Variants in FYB1 observed in about 807,000 individuals in gnomAD.
FYB1 encodes the protein FYN binding protein 1.
Under a neutral mutation model 94.1 loss-of-function variants are expected in FYB1, and 41 were observed. The ratio of observed to expected loss-of-function variants is 0.44; its 90% CI spans 0.34 to 0.57. The LOEUF (loss-of-function observed/expected upper bound fraction) is 0.57. Among genes scored for constraint, FYB1 ranks in the 20% least tolerant of loss-of-function variants. The pLI is 0.02. For synonymous variants in FYB1, 367 were observed against 353.2 expected (o/e 1.04, Z -0.44); for missense variants, 1,050 against 976.8 (o/e 1.07, Z -1.00).
At chr5:39,265,441 G>T (rs535078725) in intron 1 of FYB1, among the ~76,000 whole-genome samples, 2 of 150,602 alleles carry the variant, frequency 1.3e-5, no homozygotes, top group Non-Finnish European at 2.9e-5. Context: ...CTGAGTTCAC[G>T]CCACTGCACT....
intron 16 of FYB1, among the ~76,000 whole-genome samples, chr5:39,112,657 A>G (rs1247317458): frequency 6.6e-6 from 1 of 152,086 alleles, no homozygotes; most frequent in African/African-American, 2.4e-5. Context: ...ATAAAACACT[A>G]AACGAAAAGA....
chr5:39,232,141 A>G (rs1750770838), intron 1 of FYB1, among the ~76,000 whole-genome samples: 1 of 152,108 alleles, frequency 6.6e-6, no homozygotes, highest in African/African-American at 2.4e-5. Context: ...AGACAGAAAG[A>G]TACCTGTTTC....
rs75710164 is a variant in FYB1 at position 39,126,102 on chromosome 5, C to T, written c.1941G>A (p.Thr647=). The change falls in exon 12 of 19, where the codon ACG becomes ACA. Residue 647 remains threonine, a synonymous_variant. Coordinates refer to ENST00000512982, the MANE Select transcript of FYB1 (RefSeq NM_001465.6). ...STLQVQEKSN[T]WSWGILKMLK... is the part of the protein sequence containing the mutation. ...ACATCTTCAAAATCCCCCAGGACCA[C>T]GTATTACTCTTCTCTTGAACCTGTA... 4.7e-4 allele frequency: 755 copies of T among 1,613,506 alleles called. 4 individuals carry two copies. In the African/African-American group the frequency reaches 8.0e-3, roughly 17 times the overall value.
intron 16 of FYB1, chr5:39,110,717 C>A: frequency 3.4e-6 from 1 of 297,556 alleles, no homozygotes. Context: ...CCCCCATGAT[C>A]CAGTTTTAGG....
At chr5:39,137,894 A>G (rs772945037) in intron 6 of FYB1, 174 bp from the exon 7 acceptor site, 140 of 753,560 alleles carry the variant, frequency 1.9e-4, no homozygotes, top group Admixed American at 2.9e-4. Context: ...TAAAACCAGT[A>G]GGAGGCACAC....
chr5:39,192,278 T>C (rs1747435211), intron 2 of FYB1, among the ~76,000 whole-genome samples: 1 of 152,210 alleles, frequency 6.6e-6, no homozygotes, highest in African/African-American at 2.4e-5. Flanking sequence ...AAATTTCTTT[T>C]CGCTCTCCTT....
At chr5:39,189,897 CA>C (rs1308702933) in intron 2 of FYB1, among the ~76,000 whole-genome samples, 2 of 152,188 alleles carry the variant, frequency 1.3e-5, no homozygotes, top group Non-Finnish European at 2.9e-5. Flanking sequence ...AGCACAGGGT[CA>C]GGGGGGCAAT....
intron 2 of FYB1, chr5:39,169,140 C>A: frequency 1.4e-6 from 1 of 716,274 alleles, no homozygotes; most frequent in Non-Finnish European, 2.6e-6. Flanking sequence ...AAATTTTAGG[C>A]AATTGGCCTT....
chr5:39,148,279 C>G (rs906242815), intron 3 of FYB1, among the ~76,000 whole-genome samples: 1 of 137,694 alleles, frequency 7.3e-6, no homozygotes, highest in Non-Finnish European at 1.5e-5. Flanking sequence ...ATTGGCTCAC[C>G]TCGGCCTCCC....
In FYB1 at chr5:39,139,322, T is replaced by A. The variant is rs996339144; in HGVS notation, c.1340-70A>T. The A allele has an allele frequency of 2.5e-6, 3 of 1,220,742 alleles. No homozygotes were observed. In the African/African-American group the frequency reaches 4.6e-5, roughly 19 times the overall value. 75.6% of individuals were successfully genotyped at this position (1,220,742 alleles called of 1,614,324 possible). A position where few individuals can be genotyped will look rare whatever the true frequency, so the allele number is the denominator to read the frequency against. On this transcript the variant is annotated intron_variant, in intron 4 of 18. Transcript: ENST00000512982. ...AGCACTTTAATGTAAGATTATTGGA[T>A]ATGATATAATAATATTCAAAATAGT...
intron 1 of FYB1, among the ~76,000 whole-genome samples, chr5:39,253,298 C>T (rs1418186875): frequency 6.6e-6 from 1 of 152,082 alleles, no homozygotes; most frequent in Non-Finnish European, 1.5e-5. Flanking sequence ...TAAGTGAGTA[C>T]TTATTTTCAC....
intron 9 of FYB1, among the ~76,000 whole-genome samples, chr5:39,131,201 T>C (rs552282104): frequency 6.6e-6 from 1 of 152,302 alleles, no homozygotes; most frequent in South Asian, 2.1e-4. Flanking sequence ...ATTTTCTCTA[T>C]TTTAGCATTT....
At chr5:39,241,580 T>C (rs140060123) in intron 1 of FYB1, among the ~76,000 whole-genome samples, 1 of 152,266 alleles carries the variant, frequency 6.6e-6, no homozygotes, top group Non-Finnish European at 1.5e-5. Context: ...GCAGTCAACA[T>C]AGGGAGTGGG....
chr5:39,131,951 G>A (rs1012970627), intron 9 of FYB1, among the ~76,000 whole-genome samples: 2 of 152,354 alleles, frequency 1.3e-5, no homozygotes, highest in East Asian at 1.9e-4. Flanking sequence ...GAGGTAGAGA[G>A]AGCAGGATGT....
At chr5:39,246,565 T>C (rs922815894) in intron 1 of FYB1, among the ~76,000 whole-genome samples, 1 of 152,206 alleles carries the variant, frequency 6.6e-6, no homozygotes, top group Non-Finnish European at 1.5e-5. Context: ...GTTAATACTG[T>C]CCATACACTG....
At position 39,134,345 on chromosome 5, in the gene FYB1, G is replaced by T; in HGVS notation, c.1680C>A (p.Gly560=). The change falls in exon 9 of 19, where the codon GGC becomes GGA. Residue 560 remains glycine, a synonymous_variant. Transcript: ENST00000512982. ...TCTCTACAGCAGTTGTTTTAATATA[G>T]CCATCTACCAAAAAGGGAAATATTT... ...WLGRTARGSY[G]YIKTTAVEID... 1 of 1,595,956 alleles carries T rather than the reference G, an allele frequency of 6.3e-7. No homozygotes were observed. Among genetic ancestry groups the T allele is most frequent in the Non-Finnish European group, 8.6e-7 (1 of 1,168,104 alleles).
At chr5:39,189,254 G>A (rs1448669703) in intron 2 of FYB1, among the ~76,000 whole-genome samples, 6 of 108,036 alleles carry the variant, frequency 5.6e-5, no homozygotes, top group African/African-American at 2.2e-4. Context: ...TTTTTTTTTA[G>A]GATCTCTGTT....
intron 1 of FYB1, among the ~76,000 whole-genome samples, chr5:39,227,331 G>A (rs1406691556): frequency 6.6e-6 from 1 of 152,146 alleles, no homozygotes; most frequent in South Asian, 2.1e-4. Context: ...TAAATGTTAT[G>A]AAATTATTAT....
rs142556227 is a variant in FYB1, at chr5:39,117,635, C to T, written c.2401+1239G>A. On this transcript the variant is annotated intron_variant, in intron 16 of 18. Coordinates refer to ENST00000512982, the MANE Select transcript of FYB1 (RefSeq NM_001465.6). ...ATAAACTTTACATCCATTTCCTCCA[C>T]CCTTGAGTCACTGTGTTTTATTCTT... 1.6e-3 allele frequency among the ~76,000 whole-genome samples: 245 copies of T among 152,266 alleles called. 2 individuals carry two copies. Among genetic ancestry groups the T allele is most frequent in the African/African-American group, 5.6e-3 (232 of 41,564 alleles).
Sources: gnomAD v4.1 joint callset for allele counts (sites outside exome capture counted in the v4.1 genomes callset) on GRCh38, gnomAD v4.1.1 for gene constraint, MANE v1.5 for transcripts, NCBI Gene and HGNC (gene_info 2026-07-23, HGNC 2026-07-21) for gene names.